Variants in NIT1 observed in about 807,000 individuals in gnomAD.
The protein encoded by NIT1 is nitrilase 1, also known as deaminated glutathione amidase.
Under a neutral mutation model 36.8 loss-of-function variants are expected in NIT1, and 30 were observed. That is an observed-to-expected ratio of 0.82 (90% CI 0.61 to 1.11). The LOEUF (loss-of-function observed/expected upper bound fraction) is 1.11. NIT1 is among the 50% of genes least tolerant of loss of function. The pLI is 0.00. For missense variants in NIT1, 438 were observed against 410.6 expected, an observed-to-expected ratio of 1.07 and a Z score of -0.58; for synonymous variants, 151 against 155.6, an observed-to-expected ratio of 0.97 and a Z score of 0.22.
At chr1:161,118,678 C>T (rs1161116346) in intron 1 of NIT1, 108 bp from the exon 2 acceptor site, 2 of 1,462,634 alleles carry the variant, frequency 1.4e-6, no homozygotes, top group African/African-American at 2.8e-5. Context: ...TAGGTTTTTA[C>T]TGGCAGGGCC....
chr1:161,122,204 G>C, downstream of NIT1: 1 of 1,614,160 alleles, frequency 6.2e-7, no homozygotes, highest in Non-Finnish European at 8.5e-7. This position sits in a 1 kb window ranked among gnomAD's most constrained non-coding sequence, Gnocchi z 4.2. Flanking sequence ...CCAGCTCATA[G>C]TCCTCCTCGT....
Position 161,119,929 on chromosome 1 carries a change from C to T in NIT1, c.568C>T (p.Pro190Ser). ...CATGCCTGGGCCCAGTCTTGAGTCA[C>T]CTGTCAGCACACCAGCAGGCAAGGT... ...STMPGPSLES[P>S]VSTPAGKIGL... Residue 190 changes from proline (P) to serine (S), a missense_variant, in exon 5 of 7, where the codon CCT (proline) becomes TCT (serine). Physicochemically the swap from Pro to Ser is moderately conservative, Grantham distance 74. Transcript: ENST00000368009. The T allele has an allele frequency of 1.2e-6, 2 of 1,611,396 alleles. No individual in the cohort carries two copies. Among genetic ancestry groups the T allele is most frequent in the Non-Finnish European group, 1.7e-6 (2 of 1,179,140 alleles).
downstream of NIT1, chr1:161,123,039 G>C (rs1368027667): frequency 6.2e-7 from 1 of 1,614,198 alleles, no homozygotes; most frequent in Non-Finnish European, 8.5e-7. Context: ...TCTCCTTCAA[G>C]TCTGCTCCAT....
intron 3 of NIT1, 24 bp from the exon 4 acceptor site, chr1:161,119,485 G>A (rs1361778412): frequency 1.2e-6 from 2 of 1,613,322 alleles, no homozygotes; most frequent in Admixed American, 1.7e-5. Flanking sequence ...TCAGTGAAGA[G>A]TTGTCAGTGT....
Position 161,118,793 on chromosome 1 carries a change from T to G in NIT1, c.10T>G (p.Phe4Val), listed in dbSNP as rs41270017. The part of the protein sequence containing the change: MLG[F>V]ITRPPHRFLS... ...ATATCTCACCTTCCTCAGGCTGGGC[T>G]TCATCACCAGGCCTCCTCACAGATT... Residue 4 changes from phenylalanine (F) to valine (V), a missense_variant, in exon 2 of 7, where the codon TTC becomes GTC. Transcript: ENST00000368009. 0.082 allele frequency: 132,586 copies of G among 1,611,408 alleles called. 5,827 individuals are homozygous for G. The highest frequency in any genetic ancestry group is 0.14 in the South Asian group (12,552 of 91,008).
In NIT1 at chr1:161,119,163, C is replaced by T; in HGVS notation, c.128C>T (p.Ser43Phe). ...RPRAMAISSS[S>F]CELPLVAVCQ... ...AGAGCCATGGCTATCTCCTCTTCCT[C>T]CTGCGAACTGCCCCTGGTGGCTGTG... is the stretch of plus-strand genomic sequence containing the variant. The change falls in exon 3 of 7, where the codon TCC becomes TTC. Residue 43 changes from serine (S) to phenylalanine (F), a missense_variant. Ser to Phe is a radical substitution (Grantham distance 155). Coordinates refer to ENST00000368009, the MANE Select transcript of NIT1 (RefSeq NM_005600.3). The T allele has an allele frequency of 1.9e-6, 3 of 1,614,050 alleles. No individual in the cohort carries two copies. Among genetic ancestry groups the T allele is most frequent in the Non-Finnish European group, 2.5e-6 (3 of 1,180,034 alleles).
downstream of NIT1, chr1:161,122,945 T>C: frequency 3.2e-6 from 5 of 1,572,122 alleles, no homozygotes; most frequent in Non-Finnish European, 4.4e-6. The surrounding 1 kb of genome is among the most constrained non-coding windows in gnomAD (Gnocchi z 4.2). Context: ...CACCAAACCA[T>C]TCAGCCTCAC....
chr1:161,119,157 C>T lies in NIT1; in HGVS notation c.122C>T (p.Ser41Phe), dbSNP rs1193747919. The T allele has an allele frequency of 3.1e-6, 5 of 1,613,994 alleles. No homozygotes were observed. The highest frequency in any genetic ancestry group is 2.7e-5 in the African/African-American group (2 of 75,044). Residue 41 changes from serine (S) to phenylalanine (F), a missense_variant, in exon 3 of 7, where the codon TCT becomes TTT. By Grantham distance (155) the Ser-to-Phe change is radical. Transcript: ENST00000368009. ...AGGCCCAGAGCCATGGCTATCTCCTCTTCCTCCTGCGAACTGCCCCTGGTG... is the reference window on the plus strand; with the variant it reads ...AGGCCCAGAGCCATGGCTATCTCCTTTTCCTCCTGCGAACTGCCCCTGGTG... ...QPRPRAMAISSSSCELPLVAV... is the reference protein window; with the variant it reads ...QPRPRAMAISFSSCELPLVAV...
chr1:161,123,173 A>G (rs752019537), downstream of NIT1: 35 of 1,614,038 alleles, frequency 2.2e-5, no homozygotes, highest in Non-Finnish European at 3.0e-5. Context: ...CTTGCTACAC[A>G]TCTGAGGACC....
Position 161,118,575 on chromosome 1 carries a change from A to G in NIT1, c.3-211A>G, listed in dbSNP as rs191022081. The G allele has an allele frequency of 2.2e-3, 3,440 of 1,536,248 alleles. 8 individuals carry two copies. Among genetic ancestry groups the G allele is most frequent in the Non-Finnish European group, 2.7e-3 (3,144 of 1,146,904 alleles). ...ATGTGAGATCATTGGAAGTTGAACT[A>G]TTCAGGCGGCGAGCAGAGCCCCTTT... On this transcript the variant is annotated intron_variant, in intron 1 of 6. Transcript: ENST00000368009.
chr1:161,120,882 T>C lies in NIT1; in HGVS notation c.*117T>C, dbSNP rs1027849215. ...CACAGCTCCCCTCACTTGGAGAACC[T>C]TGACTCTCTTGATGGAACACAGATG... On this transcript the variant is annotated 3_prime_UTR_variant, in exon 7 of 7. Coordinates refer to ENST00000368009, the MANE Select transcript of NIT1 (RefSeq NM_005600.3). The C allele has an allele frequency of 5.5e-6, 8 of 1,461,946 alleles. No individual in the cohort carries two copies. Among genetic ancestry groups the C allele is most frequent in the Non-Finnish European group, 7.2e-6 (8 of 1,112,740 alleles). 90.6% of individuals were successfully genotyped at this position (1,461,946 alleles called of 1,614,324 possible).
chr1:161,120,823 C>A lies in NIT1; in HGVS notation c.*58C>A. On this transcript the variant is annotated 3_prime_UTR_variant, in exon 7 of 7. Transcript: ENST00000368009. ...CCCACCCCCACCCTGCCACTATGAG[C>A]TAGTGCTCATGTGACTTGGAGGCAG... 1 of 1,560,122 alleles carries A rather than the reference C, an allele frequency of 6.4e-7. No homozygotes were observed. Among genetic ancestry groups the A allele is most frequent in the Admixed American group, 1.7e-5 (1 of 57,856 alleles).
At chr1:161,118,957 G>A in intron 2 of NIT1, 76 bp downstream of exon 2, 2 of 1,340,440 alleles carry the variant, frequency 1.5e-6, no homozygotes, top group Non-Finnish European at 2.1e-6. Context: ...GGAGACACAG[G>A]AGTGTCAACT....
downstream of NIT1, chr1:161,121,243 TGGA>T (rs1655458850): frequency 8.5e-6 from 8 of 945,756 alleles, no homozygotes; most frequent in Middle Eastern, 5.4e-4. Flanking sequence ...GGCGTAGGAG[TGGA>T]GGAGGGGGAA....
intron 6 of NIT1, 50 bp downstream of exon 6, chr1:161,120,282 TC>T (rs745917870): frequency 6.2e-7 from 1 of 1,605,600 alleles, no homozygotes; most frequent in Non-Finnish European, 8.5e-7. Flanking sequence ...AACCTCATCT[TC>T]CCCCCTTGGC....
rs77329183 is a variant in NIT1 at position 161,119,860 on chromosome 1, G to T, written c.499G>T (p.Val167Leu). The T allele has an allele frequency of 6.2e-7, 1 of 1,612,484 alleles. No homozygotes were observed. The highest frequency in any genetic ancestry group is 1.3e-5 in the African/African-American group (1 of 74,986). ...ATYRKTHLCD[V>L]EIPGQGPMCE... ...TTACAGGAAGACACATCTGTGTGAC[G>T]TAGAGATTCCAGGGCAGGGGCCTAT... Residue 167 changes from valine (V) to leucine (L), a missense_variant, in exon 5 of 7, where the codon GTA becomes TTA. Physicochemically the swap from Val to Leu is conservative, Grantham distance 32. Coordinates refer to ENST00000368009, the MANE Select transcript of NIT1 (RefSeq NM_005600.3).
In NIT1 at chr1:161,118,776, C is replaced by A. The variant is rs745780636; in HGVS notation, c.3-10C>A. On this transcript the variant is annotated splice_polypyrimidine_tract_variant and intron_variant, in intron 1 of 6. Transcript: ENST00000368009. The stretch of plus-strand genomic sequence containing the variant: ...AAGGGGTTGGTGTCCTCATATCTCA[C>A]CTTCCTCAGGCTGGGCTTCATCACC... 7 of 1,605,906 alleles carry A rather than the reference C, an allele frequency of 4.4e-6. No homozygotes were observed. The highest frequency in any genetic ancestry group is 5.1e-6 in the Non-Finnish European group (6 of 1,172,616).
At chr1:161,120,292 G>A in intron 6 of NIT1, 60 bp downstream of exon 6, 2 of 1,592,908 alleles carry the variant, frequency 1.3e-6, no homozygotes, top group South Asian at 2.2e-5. Flanking sequence ...TCCCCCCTTG[G>A]CCCTACCAGT....
rs754485405 is a variant in NIT1 at position 161,118,196 on chromosome 1, T to C, written c.2+18T>C. On this transcript the variant is annotated intron_variant, in intron 1 of 6. Transcript: ENST00000368009. The stretch of plus-strand genomic sequence containing the variant: ...ATCTTCATGTAGGACCTACTCCCTA[T>C]CCCGTCGGCCGCGGTGAATCCCACC... 3 of 1,614,048 alleles carry C rather than the reference T, an allele frequency of 1.9e-6. No individual in the cohort carries two copies. The highest frequency in any genetic ancestry group is 2.5e-6 in the Non-Finnish European group (3 of 1,179,928).
Sources: allele counts gnomAD v4.1 joint callset, GRCh38; gene constraint gnomAD v4.1.1; non-coding constraint Gnocchi (gnomAD v3.1); transcripts MANE v1.5; gene names NCBI Gene and HGNC (gene_info 2026-07-23, HGNC 2026-07-21).